The following XKR9 variants were observed in gnomAD, a reference collection of about 807,000 sequenced individuals.
The protein encoded by XKR9 is XK-related protein 9.
Under a neutral mutation model 32.0 loss-of-function variants are expected in XKR9, and 32 were observed. The observed-to-expected ratio is 1.00, with a 90% CI of 0.76 to 1.34. The LOEUF (loss-of-function observed/expected upper bound fraction) is 1.34. Among genes scored for constraint, XKR9 ranks in the 40% most tolerant of loss-of-function variants. The pLI is 0.00. For missense variants in XKR9, 546 were observed against 429.7 expected, an observed-to-expected ratio of 1.27 and a Z score of -2.39; for synonymous variants, 168 against 143.4, an observed-to-expected ratio of 1.17 and a Z score of -1.22.
At chr8:70,873,190 C>T in the XKR9 span, among the ~76,000 whole-genome samples, 13 of 152,136 alleles carry the variant, frequency 8.5e-5, no homozygotes, top group African/African-American at 2.9e-4. Context: ...TGACAATGCA[C>T]CAGGTCATGC....
intron 2 of XKR9, among the ~76,000 whole-genome samples, chr8:70,746,596 G>T (rs1320354279): frequency 6.6e-6 from 1 of 151,706 alleles, no homozygotes; most frequent in Admixed American, 6.6e-5. Flanking sequence ...GATGTAGTTT[G>T]CAGGACTGTT....
chr8:70,682,651 G>A (rs1484596975), intron 3 of XKR9, among the ~76,000 whole-genome samples: 2 of 130,240 alleles, frequency 1.5e-5, no homozygotes, highest in Non-Finnish European at 3.7e-5. Flanking sequence ...ATCTGCTTTG[G>A]TTTGTAGTTT....
At chr8:70,698,244 T>G (rs1374563906) in intron 3 of XKR9, among the ~76,000 whole-genome samples, 12 of 152,006 alleles carry the variant, frequency 7.9e-5, no homozygotes, top group African/African-American at 2.9e-4. Flanking sequence ...ATGTGTTTGC[T>G]CTTGCTTTTC....
the XKR9 span, among the ~76,000 whole-genome samples, chr8:70,945,392 AC>A: frequency 1.3e-5 from 2 of 152,198 alleles, no homozygotes; most frequent in South Asian, 4.1e-4. Flanking sequence ...GAGAAATGAA[AC>A]TTGACACTTC....
intron 2 of XKR9, among the ~76,000 whole-genome samples, chr8:70,755,885 A>T (rs937465590): frequency 7.2e-6 from 1 of 138,164 alleles, no homozygotes; most frequent in Non-Finnish European, 1.7e-5. Flanking sequence ...CATTGTGCAC[A>T]TGTACCCTAA....
chr8:70,936,042 G>C, the XKR9 span, among the ~76,000 whole-genome samples: 1 of 151,812 alleles, frequency 6.6e-6, no homozygotes, highest in Non-Finnish European at 1.5e-5. Context: ...GGGTCTTGGT[G>C]GATAAGAAAC....
intron 2 of XKR9, among the ~76,000 whole-genome samples, chr8:70,776,793 G>A: frequency 6.6e-6 from 1 of 151,568 alleles, no homozygotes; most frequent in African/African-American, 2.4e-5. Flanking sequence ...CTTAAATTAA[G>A]AAATCTTTAT....
the XKR9 span, among the ~76,000 whole-genome samples, chr8:71,050,236 G>GATATATATATATATAT: frequency 1.6e-5 from 2 of 123,558 alleles, no homozygotes; most frequent in Admixed American, 8.6e-5. Context: ...GCCTGGCAGA[G>GATATATATATATATAT]ATATATATAT....
the XKR9 span, among the ~76,000 whole-genome samples, chr8:70,996,190 C>T: frequency 2.0e-5 from 3 of 152,090 alleles, no homozygotes; most frequent in African/African-American, 4.8e-5. Context: ...CAGAACAGTA[C>T]CTAGAAATGT....
At chr8:70,981,229 A>G in the XKR9 span, among the ~76,000 whole-genome samples, 1 of 152,194 alleles carries the variant, frequency 6.6e-6, no homozygotes, top group Non-Finnish European at 1.5e-5. Context: ...TCCCTGAAAT[A>G]TATTTTCCTG....
chr8:70,911,838 T>G, the XKR9 span, among the ~76,000 whole-genome samples: 1 of 152,056 alleles, frequency 6.6e-6, no homozygotes, highest in Admixed American at 6.6e-5. Context: ...AGTTAGAAAA[T>G]TCTAGTTAAG....
the XKR9 span, among the ~76,000 whole-genome samples, chr8:70,998,843 G>C: frequency 1.3e-5 from 2 of 152,126 alleles, no homozygotes; most frequent in Non-Finnish European, 2.9e-5. Flanking sequence ...ACCAGTCCCC[G>C]TGTTACACAG....
chr8:70,730,421 CT>C (rs1806625539), intron 4 of XKR9, among the ~76,000 whole-genome samples: 1 of 151,928 alleles, frequency 6.6e-6, no homozygotes, highest in Admixed American at 6.6e-5. Flanking sequence ...AAGAAAAATT[CT>C]TTTAAATTTC....
the XKR9 span, among the ~76,000 whole-genome samples, chr8:70,916,098 C>T: frequency 6.6e-6 from 1 of 152,146 alleles, no homozygotes; most frequent in Non-Finnish European, 1.5e-5. Context: ...TGATCTCAGG[C>T]CATTGTTCTT....
At chr8:71,000,765 C>G in the XKR9 span, among the ~76,000 whole-genome samples, 1 of 152,154 alleles carries the variant, frequency 6.6e-6, no homozygotes, top group Non-Finnish European at 1.5e-5. Context: ...ATCTGTCATA[C>G]AGTCAGCTGT....
At chr8:70,793,896 T>C (rs1162869558), downstream of XKR9, among the ~76,000 whole-genome samples, 2 of 152,104 alleles carry the variant, frequency 1.3e-5, no homozygotes, top group African/African-American at 4.8e-5. Flanking sequence ...AAAAAGTCAG[T>C]TGAAGTTTTG....
At chr8:70,994,307 T>C in the XKR9 span, among the ~76,000 whole-genome samples, 1 of 152,192 alleles carries the variant, frequency 6.6e-6, no homozygotes, top group African/African-American at 2.4e-5. Flanking sequence ...TGATGAATTC[T>C]CTCAGTTTTT....
the XKR9 span, among the ~76,000 whole-genome samples, chr8:70,887,630 A>C: frequency 6.6e-6 from 1 of 151,990 alleles, no homozygotes; most frequent in Admixed American, 6.6e-5. Context: ...CTCCTTGAAG[A>C]GGTCCTTCAC....
At chr8:70,879,354 A>C in the XKR9 span, among the ~76,000 whole-genome samples, 1 of 152,112 alleles carries the variant, frequency 6.6e-6, no homozygotes, top group Admixed American at 6.6e-5. Context: ...TTTAAAAAAA[A>C]CAATGAATCC....
Sources: gnomAD v4.1 joint callset for allele counts (sites outside exome capture counted in the v4.1 genomes callset) on GRCh38, gnomAD v4.1.1 for gene constraint, MANE v1.5 for transcripts, NCBI Gene and HGNC (gene_info 2026-07-23, HGNC 2026-07-21) for gene names.